STK33: variants seen among roughly 807,000 people sequenced by gnomAD.
The protein encoded by STK33 is serine/threonine-protein kinase 33.
In STK33, 52 loss-of-function variants were observed where a neutral mutation model predicts 58.0. The observed-to-expected ratio is 0.90, with a 90% confidence interval of 0.72 to 1.13. The LOEUF (loss-of-function observed/expected upper bound fraction) is 1.13, where lower values mean the gene tolerates loss of function less well. Ranked by LOEUF, STK33 falls within the 50% of genes most tolerant of loss-of-function variation. STK33 has a pLI of 0.00. For synonymous variants in STK33, 215 were observed against 200.1 expected (o/e 1.07, Z -0.63); for missense variants, 630 against 604.2 (o/e 1.04, Z -0.45).
chr11:8,383,173 G>C, the STK33 span, among the ~76,000 whole-genome samples: 4 of 152,310 alleles, frequency 2.6e-5, no homozygotes, highest in African/African-American at 7.2e-5. Context: ...AGATGAACTA[G>C]AATGAAGGGC....
the STK33 span, among the ~76,000 whole-genome samples, chr11:8,336,808 G>A: frequency 2.6e-5 from 4 of 152,260 alleles, no homozygotes; most frequent in Non-Finnish European, 4.4e-5. Flanking sequence ...GGCTAAGGCT[G>A]GGCGGTGGCT....
At chr11:8,579,434 T>C (rs1025329180) in intron 1 of STK33, among the ~76,000 whole-genome samples, 1 of 152,052 alleles carries the variant, frequency 6.6e-6, no homozygotes, top group Non-Finnish European at 1.5e-5. Flanking sequence ...AAATGGAAGA[T>C]CCTTTAAAAT....
At chr11:8,356,343 G>C in the STK33 span, among the ~76,000 whole-genome samples, 2 of 151,886 alleles carry the variant, frequency 1.3e-5, no homozygotes, top group Non-Finnish European at 2.9e-5. Context: ...GGGCCTTAGG[G>C]GAAGGGGCTG....
chr11:8,350,982 G>A, the STK33 span, among the ~76,000 whole-genome samples: 2 of 152,140 alleles, frequency 1.3e-5, no homozygotes, highest in Non-Finnish European at 2.9e-5. Context: ...AGAACTCCAG[G>A]TTGGAAACAA....
chr11:8,413,451 G>A (rs1940624805), intron 15 of STK33, 44 bp downstream of exon 15: 1 of 1,599,372 alleles, frequency 6.3e-7, no homozygotes, highest in Non-Finnish European at 8.6e-7. Context: ...GGTGTGGTGA[G>A]GGTATTTTAC....
At chr11:8,492,300 G>C (rs1411518427) in intron 1 of STK33, among the ~76,000 whole-genome samples, 1 of 151,956 alleles carries the variant, frequency 6.6e-6, no homozygotes, top group Non-Finnish European at 1.5e-5. Flanking sequence ...TGCAATCCTA[G>C]TCTCTGATAA....
intron 1 of STK33, among the ~76,000 whole-genome samples, chr11:8,489,272 G>GAA (rs60919146): frequency 0.025 from 3,138 of 126,550 alleles, 66 homozygotes; most frequent in Middle Eastern, 0.066. Flanking sequence ...AAAAAAAAAA[G>GAA]AAAAAAAAAA....
chr11:8,385,118 C>G, the STK33 span, among the ~76,000 whole-genome samples: 1 of 152,226 alleles, frequency 6.6e-6, no homozygotes, highest in Non-Finnish European at 1.5e-5. Context: ...TAATCCATCA[C>G]TGAATCCTAT....
chr11:8,342,208 TG>T, the STK33 span, among the ~76,000 whole-genome samples: 1 of 152,218 alleles, frequency 6.6e-6, no homozygotes, highest in African/African-American at 2.4e-5. Context: ...GCTAAAACTC[TG>T]GGGGTCAGCA....
chr11:8,543,276 G>A (rs1387219106), intron 1 of STK33, among the ~76,000 whole-genome samples: 1 of 152,144 alleles, frequency 6.6e-6, no homozygotes, highest in Admixed American at 6.5e-5. Flanking sequence ...TGTCTTCAGT[G>A]ATTAAGAGCT....
chr11:8,411,927 C>T (rs1940316169), intron 15 of STK33, among the ~76,000 whole-genome samples: 2 of 152,122 alleles, frequency 1.3e-5, no homozygotes. Context: ...CTGAGAATCA[C>T]ATCATAAGTT....
At chr11:8,580,647 G>A (rs1385950933) in intron 1 of STK33, among the ~76,000 whole-genome samples, 1 of 152,040 alleles carries the variant, frequency 6.6e-6, no homozygotes, top group Non-Finnish European at 1.5e-5. Context: ...TAACACAAAG[G>A]ATAAATGTTT....
chr11:8,357,934 C>T, the STK33 span, among the ~76,000 whole-genome samples: 3 of 152,226 alleles, frequency 2.0e-5, no homozygotes, highest in South Asian at 2.1e-4. Context: ...AGGTACTCAG[C>T]TCAGCTTGGC....
intron 15 of STK33, among the ~76,000 whole-genome samples, chr11:8,411,005 C>T (rs569350855): frequency 6.6e-6 from 1 of 152,284 alleles, no homozygotes; most frequent in Non-Finnish European, 1.5e-5. Flanking sequence ...AAAGCATATA[C>T]CATTTATCAG....
At chr11:8,428,989 T>G (rs1379873243) in intron 14 of STK33, among the ~76,000 whole-genome samples, 1 of 151,912 alleles carries the variant, frequency 6.6e-6, no homozygotes, top group Non-Finnish European at 1.5e-5. Flanking sequence ...TTTTGTAAAA[T>G]GAGACAAATT....
At chr11:8,353,852 ATCCAGGCC>A in the STK33 span, among the ~76,000 whole-genome samples, 6 of 152,146 alleles carry the variant, frequency 3.9e-5, no homozygotes, top group Non-Finnish European at 8.8e-5. Context: ...ACAGCCCCAG[ATCCAGGCC>A]ATTTGGAACC....
intron 15 of STK33, among the ~76,000 whole-genome samples, chr11:8,401,717 C>T (rs1938012787): frequency 1.3e-5 from 2 of 152,120 alleles, no homozygotes; most frequent in South Asian, 2.1e-4. Flanking sequence ...TTGCAATCTA[C>T]TCATCTGACA....
rs369999255 is a variant in STK33, at chr11:8,397,473, A to G, written c.1345-4763T>C. Reference sequence around the variant, plus strand: ...AAAACCCCATCTGTACATCACCATCATCAAAGACCAAAGGTAGATAAAACC... The same window carrying G: ...AAAACCCCATCTGTACATCACCATCGTCAAAGACCAAAGGTAGATAAAACC... On this transcript the variant is annotated intron_variant, in intron 15 of 15. Transcript: ENST00000687296. 1.2e-3 allele frequency among the ~76,000 whole-genome samples: 181 copies of G among 152,338 alleles called. 5 individuals carry two copies. The South Asian group carries it at 0.037, about 31-fold the overall frequency.
At position 8,392,511 on chromosome 11, in the gene STK33, T is replaced by G; in HGVS notation, c.1544A>C (p.Ter515SerextTer16). 1 of 1,614,116 alleles carries G rather than the reference T, an allele frequency of 6.2e-7. No homozygotes were observed. Among genetic ancestry groups the G allele is most frequent in the East Asian group, 2.2e-5 (1 of 44,882 alleles). ...TACTGTCCAACACTGGAGGGAACCT[T>G]AGAGTTTCTTTTTGGTTCTGGACAG... ...GALSRTKKKL[*>S] Residue 515 changes from the stop codon to serine, a stop_lost, in exon 16 of 16, where the codon TAA (stop) becomes TCA (serine). Coordinates refer to ENST00000687296, the MANE Select transcript of STK33 (RefSeq NM_001352389.2).
Sources: gnomAD v4.1 joint callset for allele counts (sites outside exome capture counted in the v4.1 genomes callset) on GRCh38, gnomAD v4.1.1 for gene constraint, MANE v1.5 for transcripts, NCBI Gene and HGNC (gene_info 2026-07-23, HGNC 2026-07-21) for gene names.